Variants in GPC6 observed in about 807,000 individuals in gnomAD.
GPC6 encodes glypican-6.
Under a neutral mutation model 55.2 loss-of-function variants are expected in GPC6, and 14 were observed. The observed-to-expected ratio is 0.25, with a 90% confidence interval of 0.17 to 0.40. GPC6 has a LOEUF of 0.40. Among genes scored for constraint, GPC6 ranks in the 10% least tolerant of loss-of-function variants. GPC6 has a pLI of 1.00. For missense variants in GPC6, 641 were observed against 708.5 expected, an observed-to-expected ratio of 0.90 and a Z score of 1.08; for synonymous variants, 278 against 259.6, an observed-to-expected ratio of 1.07 and a Z score of -0.68.
chr13:93,663,273 T>A (rs1208699476), intron 2 of GPC6, among the ~76,000 whole-genome samples: 1 of 152,164 alleles, frequency 6.6e-6, no homozygotes, highest in Admixed American at 6.5e-5. Flanking sequence ...GACCTTATCA[T>A]ATAATTGTTT....
At chr13:93,371,674 A>C (rs1474135620) in intron 1 of GPC6, among the ~76,000 whole-genome samples, 1 of 152,070 alleles carries the variant, frequency 6.6e-6, no homozygotes, top group Non-Finnish European at 1.5e-5. Context: ...ACACCTAAAA[A>C]TATCATTCAG....
In GPC6 at chr13:94,285,226, C is replaced by T. The variant is rs74681977; in HGVS notation, c.878-1123C>T. 5.7e-3 allele frequency among the ~76,000 whole-genome samples: 862 copies of T among 152,110 alleles called. 11 individuals are homozygous for T. The highest frequency in any genetic ancestry group is 0.02 in the African/African-American group (819 of 41,484). The stretch of plus-strand genomic sequence containing the variant: ...AACCGGTAGTTTGGGCAAATGGAGC[C>T]GTTTAGTTTTATGTTTAATAGTGCT... On this transcript the variant is annotated intron_variant, in intron 4 of 8. Coordinates refer to ENST00000377047, the MANE Select transcript of GPC6 (RefSeq NM_005708.5).
At chr13:93,538,594 A>G (rs1400103101) in intron 1 of GPC6, among the ~76,000 whole-genome samples, 2 of 152,198 alleles carry the variant, frequency 1.3e-5, no homozygotes, top group East Asian at 1.9e-4. Context: ...AACTGAAAAT[A>G]GTATTCAAAT....
chr13:94,034,187 G>GAGAA (rs201894177), intron 4 of GPC6, among the ~76,000 whole-genome samples: 79,800 of 131,044 alleles, frequency 0.61, 28,355 homozygotes, highest in Middle Eastern at 0.79. Flanking sequence ...TACTTGCTGA[G>GAGAA]AGAAAGAAAG....
At chr13:93,273,346 T>A (rs975241440) in intron 1 of GPC6, among the ~76,000 whole-genome samples, 1 of 152,186 alleles carries the variant, frequency 6.6e-6, no homozygotes, top group African/African-American at 2.4e-5. Flanking sequence ...AGAACTCGTT[T>A]GCCTAAAAGT....
At chr13:93,293,713 C>A (rs1878390183) in intron 1 of GPC6, among the ~76,000 whole-genome samples, 1 of 152,088 alleles carries the variant, frequency 6.6e-6, no homozygotes, top group Non-Finnish European at 1.5e-5. Context: ...TGTTTTTGCC[C>A]ATTTTTTAAA....
At chr13:93,989,345 A>G (rs1881184010) in intron 3 of GPC6, among the ~76,000 whole-genome samples, 1 of 152,190 alleles carries the variant, frequency 6.6e-6, no homozygotes, top group East Asian at 1.9e-4. Flanking sequence ...CCTATACTGA[A>G]TCTGATACAG....
intron 1 of GPC6, among the ~76,000 whole-genome samples, chr13:93,459,765 C>G (rs1021336700): frequency 6.6e-6 from 1 of 152,060 alleles, no homozygotes; most frequent in African/African-American, 2.4e-5. Context: ...TAAAATTTCC[C>G]GACACAGTTA....
chr13:93,701,592 C>A (rs1429171757), intron 2 of GPC6, among the ~76,000 whole-genome samples: 1 of 151,958 alleles, frequency 6.6e-6, no homozygotes, highest in Non-Finnish European at 1.5e-5. Context: ...AAATCTTTCA[C>A]AAAAAGATTT....
intron 3 of GPC6, among the ~76,000 whole-genome samples, chr13:93,906,670 G>A (rs1876687276): frequency 6.6e-6 from 1 of 152,134 alleles, no homozygotes; most frequent in Non-Finnish European, 1.5e-5. Context: ...AAATGTAGAG[G>A]GAGAGGAGGT....
chr13:93,972,613 C>G (rs1880333129), intron 3 of GPC6, among the ~76,000 whole-genome samples: 1 of 152,060 alleles, frequency 6.6e-6, no homozygotes, highest in Non-Finnish European at 1.5e-5. Context: ...TGTGAGTTCT[C>G]TCTTCTACTT....
At chr13:93,218,680 G>C in the GPC6 span, among the ~76,000 whole-genome samples, 1 of 152,194 alleles carries the variant, frequency 6.6e-6, no homozygotes, top group Non-Finnish European at 1.5e-5. Flanking sequence ...CATTGACAAA[G>C]AATATGCCAC....
intron 6 of GPC6, among the ~76,000 whole-genome samples, chr13:94,354,383 G>A (rs1187037055): frequency 6.6e-6 from 1 of 151,798 alleles, no homozygotes; most frequent in Non-Finnish European, 1.5e-5. Flanking sequence ...TTTCCCAGGG[G>A]CATCAAGATG....
intron 6 of GPC6, among the ~76,000 whole-genome samples, chr13:94,344,919 T>C (rs1429906740): frequency 6.6e-6 from 1 of 152,250 alleles, no homozygotes; most frequent in Non-Finnish European, 1.5e-5. Context: ...TTCTCTTTGT[T>C]GAATTAAAGT....
chr13:93,776,662 TGCTTCTGCCCTTG>T (rs1158840974), intron 2 of GPC6, among the ~76,000 whole-genome samples: 1 of 152,218 alleles, frequency 6.6e-6, no homozygotes, highest in East Asian at 1.9e-4. Flanking sequence ...CACAAATGTA[TGCTTCTGCCCTTG>T]GCTTCACTAG....
chr13:94,211,012 G>A (rs1017820539), intron 4 of GPC6, among the ~76,000 whole-genome samples: 15 of 152,294 alleles, frequency 9.8e-5, no homozygotes, highest in African/African-American at 3.6e-4. Context: ...GGGAGTGTTG[G>A]TCTACTGTAG....
intron 6 of GPC6, among the ~76,000 whole-genome samples, chr13:94,314,297 C>A (rs749248295): frequency 7.9e-5 from 12 of 152,212 alleles, no homozygotes; most frequent in Non-Finnish European, 1.8e-4. Flanking sequence ...AATGAATAAT[C>A]ATTGGCCAAA....
intron 3 of GPC6, among the ~76,000 whole-genome samples, chr13:93,876,974 T>C (rs1874630063): frequency 6.6e-6 from 1 of 152,054 alleles, no homozygotes. Context: ...AAACTGTTGG[T>C]ATATTTGGAC....
At chr13:93,448,888 A>G (rs1052895369) in intron 1 of GPC6, among the ~76,000 whole-genome samples, 3 of 152,202 alleles carry the variant, frequency 2.0e-5, no homozygotes, top group African/African-American at 7.2e-5. Flanking sequence ...TAAAAACAAA[A>G]TAAAACTTCT....
Sources: allele counts gnomAD v4.1 joint callset (sites outside exome capture counted in the v4.1 genomes callset), GRCh38; gene constraint gnomAD v4.1.1; transcripts MANE v1.5; gene names NCBI Gene and HGNC (gene_info 2026-07-23, HGNC 2026-07-21).